Variants in CLPX observed in about 807,000 individuals in gnomAD.
CLPX encodes the protein caseinolytic mitochondrial matrix peptidase chaperone subunit X, also known as ATP-dependent clpX-like chaperone, mitochondrial.
A neutral mutation model predicts 76.4 loss-of-function variants in CLPX; 34 were observed. That is an observed-to-expected ratio of 0.45 (90% CI 0.34 to 0.59). The LOEUF is 0.59. Ranked by LOEUF, CLPX falls within the 20% of genes least tolerant of loss-of-function variation. The pLI, the probability that CLPX is intolerant of heterozygous loss-of-function variation, is 0.01. For missense variants in CLPX, 613 were observed against 757.0 expected (o/e 0.81, Z 2.23); for synonymous variants, 248 against 270.9 (o/e 0.92, Z 0.83).
chr15:65,179,954 C>T (rs1482590535), intron 2 of CLPX, 90 bp downstream of exon 2: 16 of 835,736 alleles, frequency 1.9e-5, no homozygotes, highest in Non-Finnish European at 2.8e-5. Flanking sequence ...CTACAGAAAA[C>T]ATATAAGCCA....
In CLPX at chr15:65,180,212, T is replaced by C; in HGVS notation, c.80-8A>G. The C allele has an allele frequency of 4.5e-6, 7 of 1,570,248 alleles. No individual in the cohort carries two copies. The highest frequency in any genetic ancestry group is 6.0e-6 in the Non-Finnish European group (7 of 1,157,090). On this transcript the variant is annotated splice_region_variant and splice_polypyrimidine_tract_variant and intron_variant, in intron 1 of 13. Transcript: ENST00000300107. ...TGCGACCACCAGAAATACCTGAAAATAAAAGGAAATCTACATCAAATATAG... is the reference window on the plus strand; with the variant it reads ...TGCGACCACCAGAAATACCTGAAAACAAAAGGAAATCTACATCAAATATAG...
intron 4 of CLPX, among the ~76,000 whole-genome samples, chr15:65,166,108 C>A (rs1029226953): frequency 1.3e-5 from 2 of 152,174 alleles, no homozygotes; most frequent in African/African-American, 4.8e-5. Flanking sequence ...CCTGAGACTT[C>A]TAAAGAGTCC....
chr15:65,159,616 A>C (rs2087828521), intron 6 of CLPX, among the ~76,000 whole-genome samples: 2 of 152,120 alleles, frequency 1.3e-5, no homozygotes, highest in South Asian at 2.1e-4. Context: ...TCTCAAAAAA[A>C]TAAAATTAAA....
At chr15:65,174,923 C>T (rs1008767186) in intron 3 of CLPX, among the ~76,000 whole-genome samples, 3 of 152,024 alleles carry the variant, frequency 2.0e-5, no homozygotes, top group Admixed American at 6.5e-5. Flanking sequence ...TGAAAACAAG[C>T]AATTTGCAAA....
At position 65,162,655 on chromosome 15, in the gene CLPX, A is replaced by C. The variant is rs2087867862; in HGVS notation, c.674-10T>G. ...CTTCTTATTTCTAACTCTAAGAAAG[A>C]GGATGAAAATATTACATATTTGTTT... On this transcript the variant is annotated splice_polypyrimidine_tract_variant and intron_variant, in intron 5 of 13. Coordinates refer to ENST00000300107, the MANE Select transcript of CLPX (RefSeq NM_006660.5). The C allele has an allele frequency of 6.5e-7, 1 of 1,539,640 alleles. No homozygotes were observed. Among genetic ancestry groups the C allele is most frequent in the African/African-American group, 1.4e-5 (1 of 73,470 alleles).
chr15:65,179,023 T>A lies in CLPX; in HGVS notation c.269A>T (p.Lys90Ile). 6.2e-7 allele frequency: 1 copy of A among 1,611,064 alleles called. No homozygotes were observed. Among genetic ancestry groups the A allele is most frequent in the Admixed American group, 1.7e-5 (1 of 59,944 alleles). The change falls in exon 3 of 14, where the codon AAA (lysine) becomes ATA (isoleucine). Residue 90 changes from lysine (K) to isoleucine (I), a missense_variant. This residue lies in a region of CLPX where 163 missense variants were observed against 118.4 expected (regional missense o/e 1.38). Transcript: ENST00000300107. ...TTTCCCAGAATTCCCAGAGCCTGAT[T>A]TCTTACTACTTCCCTCACTTGCTGA... Reference protein sequence around the residue: ...KKSASEGSSKKSGSGNSGKGG... With the variant: ...KKSASEGSSKISGSGNSGKGG...
chr15:65,176,022 G>A (rs984517442), intron 3 of CLPX, among the ~76,000 whole-genome samples: 11 of 152,144 alleles, frequency 7.2e-5, no homozygotes, highest in African/African-American at 2.7e-4. Flanking sequence ...ACATAAGTGT[G>A]TGCTCTTTTT....
intron 6 of CLPX, among the ~76,000 whole-genome samples, chr15:65,162,285 C>T (rs2087864441): frequency 1.3e-5 from 2 of 152,178 alleles, no homozygotes; most frequent in South Asian, 4.1e-4. Flanking sequence ...AAACAGTGTG[C>T]TTTCTGGCAA....
At chr15:65,183,985 A>AT (rs1215243768) in intron 1 of CLPX, among the ~76,000 whole-genome samples, 1 of 152,254 alleles carries the variant, frequency 6.6e-6, no homozygotes, top group African/African-American at 2.4e-5. Context: ...TTAGGATTAA[A>AT]TTTACTCCCT....
intron 3 of CLPX, among the ~76,000 whole-genome samples, chr15:65,174,423 C>G (rs1366975471): frequency 6.6e-6 from 1 of 151,880 alleles, no homozygotes; most frequent in Non-Finnish European, 1.5e-5. Context: ...TGCCACCAAG[C>G]CTGGCTAATT....
At chr15:65,174,051 T>A (rs1309164728) in intron 3 of CLPX, among the ~76,000 whole-genome samples, 2 of 151,366 alleles carry the variant, frequency 1.3e-5, no homozygotes, top group African/African-American at 4.9e-5. Flanking sequence ...TCTGGCTCAC[T>A]GTAGCCTCTG....
chr15:65,180,076 T>C lies in CLPX; in HGVS notation c.208A>G (p.Ile70Val). 1 of 1,611,330 alleles carries C rather than the reference T, an allele frequency of 6.2e-7. No homozygotes were observed. The highest frequency in any genetic ancestry group is 8.5e-7 in the Non-Finnish European group (1 of 1,178,558). ...CCATCTCCAGAACCATCTTTACTTA[T>C]CCCATCTTTTGAGGCAAAGTATGCT... ...TPAYFASKDG[I>V]SKDGSGDGNK... Residue 70 changes from isoleucine to valine, a missense_variant, in exon 2 of 14, where the codon ATA becomes GTA. By Grantham distance (29) the Ile-to-Val change is conservative. This residue lies in a region of CLPX where 163 missense variants were observed against 118.4 expected (regional missense o/e 1.38). Transcript: ENST00000300107.
intron 8 of CLPX, 55 bp from the exon 9 acceptor site, chr15:65,156,987 C>G: frequency 8.4e-7 from 1 of 1,185,148 alleles, no homozygotes; most frequent in Non-Finnish European, 1.2e-6. Flanking sequence ...CACAAGATAG[C>G]CTCAGCTTTA....
chr15:65,181,746 C>A lies in CLPX; in HGVS notation c.80-1542G>T, dbSNP rs918429214. 8.7e-5 allele frequency among the ~76,000 whole-genome samples: 11 copies of A among 127,138 alleles called. No homozygotes were observed. In the Admixed American group the frequency reaches 9.3e-4, roughly 11 times the overall value. The allele number at this position is 127,138 out of a possible 152,430, so 83.4% of individuals were successfully genotyped here. Reference sequence around the variant, plus strand: ...CCTGTGCAACGGAGCGAGGCTCTGTCGCAAAATAAATAAATAAATAAATAA... The same window carrying A: ...CCTGTGCAACGGAGCGAGGCTCTGTAGCAAAATAAATAAATAAATAAATAA... On this transcript the variant is annotated intron_variant, in intron 1 of 13. Transcript: ENST00000300107.
rs747160238 is a variant in CLPX, at chr15:65,153,564, C to A, written c.1687G>T (p.Gly563Cys). ...LALERKTGAR[G>C]LRSIMEKLLL... ...CAACTCACCATTATGGACCGAAGGC[C>A]TCGTGCACCTGTTTTTCGTTCTAGT... is the stretch of plus-strand genomic sequence containing the variant. Residue 563 changes from glycine (G) to cysteine (C), a missense_variant, in exon 12 of 14, where the codon GGC becomes TGC. Around this residue, in one of 2 missense-constraint regions of CLPX, gnomAD observed 450 missense variants for 638.6 expected, o/e 0.70. Transcript: ENST00000300107. 12 of 1,596,232 alleles carry A rather than the reference C, an allele frequency of 7.5e-6. No individual in the cohort carries two copies. The highest frequency in any genetic ancestry group is 9.4e-6 in the Non-Finnish European group (11 of 1,171,360).
At chr15:65,182,300 G>A (rs771749811) in intron 1 of CLPX, among the ~76,000 whole-genome samples, 48 of 152,040 alleles carry the variant, frequency 3.2e-4, no homozygotes, top group Non-Finnish European at 5.1e-4. Flanking sequence ...AAGCAGTCTG[G>A]TGAAGCCTCT....
chr15:65,185,180 GC>G lies in CLPX; in HGVS notation c.-28del, dbSNP rs2088242529. The G allele has an allele frequency of 1.9e-6, 3 of 1,541,080 alleles. No individual in the cohort carries two copies. The highest frequency in any genetic ancestry group is 1.4e-5 in the African/African-American group (1 of 73,138). On this transcript the variant is annotated 5_prime_UTR_variant, in exon 1 of 14. Coordinates refer to ENST00000300107, the MANE Select transcript of CLPX (RefSeq NM_006660.5). ...TCCGCGAGGCCTAGGCCGGGGCTTCGCCCCCTGAGGACCTCCGGGTCACAGC... is the reference window on the plus strand; with the variant it reads ...TCCGCGAGGCCTAGGCCGGGGCTTCGCCCCTGAGGACCTCCGGGTCACAGC...
At chr15:65,157,670 G>T (rs1461224977) in intron 8 of CLPX, 76 bp downstream of exon 8, 3 of 1,329,044 alleles carry the variant, frequency 2.3e-6, no homozygotes, top group Non-Finnish European at 3.0e-6. Flanking sequence ...CTCAAAACAA[G>T]AATTATATTG....
rs2087693333 is a variant in CLPX at position 65,149,526 on chromosome 15, T to C, written c.*1297A>G. 1 of 429,554 alleles carries C rather than the reference T, an allele frequency of 2.3e-6. No individual in the cohort carries two copies. Among genetic ancestry groups the C allele is most frequent in the Admixed American group, 2.9e-5 (1 of 34,818 alleles). The allele number at this position is 429,554 out of a possible 1,614,324, so 26.6% of individuals were successfully genotyped here. ...AACTTTCTGAAGATTTAAGCCAGAC[T>C]TCAATTCCATGTACTCACCCATAGT... On this transcript the variant is annotated 3_prime_UTR_variant, in exon 14 of 14. Transcript: ENST00000300107.
Sources: allele counts gnomAD v4.1 joint callset (sites outside exome capture counted in the v4.1 genomes callset), GRCh38; gene constraint gnomAD v4.1.1; regional missense constraint gnomAD v4.1.1; transcripts MANE v1.5; gene names NCBI Gene and HGNC (gene_info 2026-07-23, HGNC 2026-07-21).